The following APLF variants were observed in gnomAD, a reference collection of about 807,000 sequenced individuals.
APLF encodes the protein aprataxin and PNKP like factor, also known as aprataxin and PNK-like factor.
APLF carries 61 observed loss-of-function variants against 55.6 expected under a neutral mutation model. The ratio of observed to expected loss-of-function variants is 1.10; its 90% confidence interval spans 0.89 to 1.36. The LOEUF is 1.36. Among genes scored for constraint, APLF ranks in the 40% most tolerant of loss-of-function variants. The pLI is 0.00. For missense variants in APLF, 611 were observed against 602.5 expected, an observed-to-expected ratio of 1.01 and a Z score of -0.15; for synonymous variants, 207 against 214.8, an observed-to-expected ratio of 0.96 and a Z score of 0.32.
At chr2:68,563,304 A>G (rs573255062) in intron 8 of APLF, 14 of 983,810 alleles carry the variant, frequency 1.4e-5, no homozygotes, top group African/African-American at 5.2e-5. Flanking sequence ...AAAATTTCAC[A>G]TTACATTTTC....
At chr2:68,487,593 A>G (rs1343452561) in intron 1 of APLF, among the ~76,000 whole-genome samples, 1 of 152,176 alleles carries the variant, frequency 6.6e-6, no homozygotes, top group Non-Finnish European at 1.5e-5. Context: ...TTGATGTATT[A>G]ATAAATAATA....
At chr2:68,484,423 T>C (rs1676062170) in intron 1 of APLF, among the ~76,000 whole-genome samples, 1 of 152,092 alleles carries the variant, frequency 6.6e-6, no homozygotes, top group Non-Finnish European at 1.5e-5. Flanking sequence ...GCACGGTGGC[T>C]CACACCTGTA....
At chr2:68,552,103 A>G (rs1056455493) in intron 8 of APLF, among the ~76,000 whole-genome samples, 10 of 152,132 alleles carry the variant, frequency 6.6e-5, no homozygotes, top group African/African-American at 1.4e-4. Flanking sequence ...CTATTAGCCT[A>G]CTACCCATGC....
intron 3 of APLF, among the ~76,000 whole-genome samples, chr2:68,512,384 C>A (rs866016801): frequency 2.0e-5 from 3 of 151,760 alleles, no homozygotes; most frequent in Non-Finnish European, 4.4e-5. Flanking sequence ...TAGTTCATTC[C>A]TTGTTATTTC....
chr2:68,546,887 C>T (rs947398832), intron 8 of APLF, among the ~76,000 whole-genome samples: 2 of 151,664 alleles, frequency 1.3e-5, no homozygotes. Flanking sequence ...CATTATGTGG[C>T]GATTCAAGAC....
chr2:68,548,854 A>G (rs1670781175), intron 8 of APLF, among the ~76,000 whole-genome samples: 2 of 151,820 alleles, frequency 1.3e-5, no homozygotes. Context: ...CTATCGACTC[A>G]TGATCAATAT....
At chr2:68,490,046 A>T (rs1676310518) in intron 1 of APLF, 144 bp from the exon 2 acceptor site, 1 of 485,342 alleles carries the variant, frequency 2.1e-6, no homozygotes, top group Non-Finnish European at 3.6e-6. Flanking sequence ...CAATCATTTC[A>T]ATATACAGTT....
chr2:68,547,896 C>T (rs1056398154), intron 8 of APLF, among the ~76,000 whole-genome samples: 5 of 151,720 alleles, frequency 3.3e-5, no homozygotes, highest in Admixed American at 6.6e-5. Flanking sequence ...AACTTATTTA[C>T]AGTTAAATCT....
chr2:68,513,171 C>A lies in APLF; in HGVS notation c.433C>A (p.Gln145Lys). 1.2e-6 allele frequency: 2 copies of A among 1,611,322 alleles called. No homozygotes were observed. Among genetic ancestry groups the A allele is most frequent in the Non-Finnish European group, 8.5e-7 (1 of 1,178,458 alleles). Residue 145 changes from glutamine to lysine, a missense_variant, in exon 4 of 10, where the codon CAA becomes AAA. By Grantham distance (53) the Gln-to-Lys change is moderately conservative (BLOSUM62 1). Transcript: ENST00000303795. ...ACCTCATGAGACTACTGGTGCCTCA[C>A]AACTGGAAGGAAGCACAGAAATAGC... ...NLPHETTGAS[Q>K]LEGSTEIAKT...
rs575877683 is a variant in APLF at position 68,474,738 on chromosome 2, G to A, written c.96+6911G>A. 1.1e-4 allele frequency among the ~76,000 whole-genome samples: 16 copies of A among 152,196 alleles called. No individual in the cohort carries two copies. The East Asian group carries it at 2.7e-3, about 26-fold the overall frequency. ...GGCTGGAGTTCAATGGTGCGATCTTGGCTCACCACAACCTCTGCCTTCTGG... is the reference window on the plus strand; with the variant it reads ...GGCTGGAGTTCAATGGTGCGATCTTAGCTCACCACAACCTCTGCCTTCTGG... On this transcript the variant is annotated intron_variant, in intron 1 of 9. Coordinates refer to ENST00000303795, the MANE Select transcript of APLF (RefSeq NM_173545.3).
intron 1 of APLF, among the ~76,000 whole-genome samples, chr2:68,472,812 TAACTTTTACAAACA>T (rs1675661021): frequency 6.6e-6 from 1 of 152,196 alleles, no homozygotes; most frequent in Non-Finnish European, 1.5e-5. Flanking sequence ...TGATCCCGTT[TAACTTTTACAAACA>T]TTGTTTTTTA....
chr2:68,488,484 A>G (rs1389512500), intron 1 of APLF, among the ~76,000 whole-genome samples: 1 of 151,758 alleles, frequency 6.6e-6, no homozygotes, highest in Non-Finnish European at 1.5e-5. Context: ...CTATAGGCAC[A>G]TGCCCTCTGT....
intron 8 of APLF, among the ~76,000 whole-genome samples, chr2:68,553,900 G>GTTA (rs1376132487): frequency 6.6e-6 from 1 of 151,896 alleles, no homozygotes; most frequent in Non-Finnish European, 1.5e-5. Flanking sequence ...TTCATATTTT[G>GTTA]TTATTATTAT....
intron 5 of APLF, among the ~76,000 whole-genome samples, chr2:68,518,453 A>G (rs1389122391): frequency 2.7e-5 from 3 of 112,740 alleles, no homozygotes; most frequent in African/African-American, 1.1e-4. Flanking sequence ...ATAATATATT[A>G]TATATTATAT....
chr2:68,517,008 A>ATAATATATAATAATATAT (rs1372875424), intron 5 of APLF, among the ~76,000 whole-genome samples: 1 of 123,276 alleles, frequency 8.1e-6, no homozygotes. Flanking sequence ...ATGTTAATAT[A>ATAATATATAATAATATAT]TAATATATAA....
chr2:68,526,101 AG>A lies in APLF; in HGVS notation c.664del (p.Asp222IlefsTer5), dbSNP rs762861630. 3.1e-6 allele frequency: 5 copies of A among 1,613,540 alleles called. No individual in the cohort carries two copies. The highest frequency in any genetic ancestry group is 4.2e-6 in the Non-Finnish European group (5 of 1,179,894). On this transcript the variant is annotated frameshift_variant, in exon 6 of 10. Transcript: ENST00000303795. LOFTEE classifies it high-confidence loss of function. ...GAAGTGGAAAAGAAGAAATCTGCAA[AG>A]ATAAATCCCAGCTAAACACAACCCA... ...QGSGKEEICK[D>X]KSQLNTTQQG...
Position 68,538,351 on chromosome 2 carries a change from G to A in APLF, c.1160+124G>A, listed in dbSNP as rs183566705. Reference sequence around the variant, plus strand: ...TGGCCTAAAGGTTAGGGGCTTTATCGTGTTTCTACTATTTGTACTTCCTCA... The same window carrying A: ...TGGCCTAAAGGTTAGGGGCTTTATCATGTTTCTACTATTTGTACTTCCTCA... On this transcript the variant is annotated intron_variant, in intron 7 of 9. Transcript: ENST00000303795. 1.2e-4 allele frequency: 94 copies of A among 783,358 alleles called. No individual in the cohort carries two copies. In the East Asian group the frequency reaches 1.7e-3, roughly 14 times the overall value. The allele number at this position is 783,358 out of a possible 1,614,324, so 48.5% of individuals were successfully genotyped here.
In APLF at chr2:68,508,486, A is replaced by G. The variant is rs1021770795; in HGVS notation, c.342-4594A>G. ...TACAATGGATCAGAAGTCTAAATATAAGCACTAAAACTACAAAACTCTTAG... is the reference window on the plus strand; with the variant it reads ...TACAATGGATCAGAAGTCTAAATATGAGCACTAAAACTACAAAACTCTTAG... On this transcript the variant is annotated intron_variant, in intron 3 of 9. Transcript: ENST00000303795. 1.5e-4 allele frequency among the ~76,000 whole-genome samples: 23 copies of G among 152,060 alleles called. 1 individual carries two copies. Among genetic ancestry groups the G allele is most frequent in the South Asian group, 1.5e-3 (7 of 4,822 alleles).
intron 5 of APLF, among the ~76,000 whole-genome samples, chr2:68,514,241 AGCT>A (rs1190164889): frequency 6.6e-6 from 1 of 151,768 alleles, no homozygotes; most frequent in Admixed American, 6.6e-5. Flanking sequence ...TATTTATAAT[AGCT>A]GCGTTAAAGT....
Sources: allele counts gnomAD v4.1 joint callset (sites outside exome capture counted in the v4.1 genomes callset), GRCh38; gene constraint gnomAD v4.1.1; transcripts MANE v1.5; gene names NCBI Gene and HGNC (gene_info 2026-07-23, HGNC 2026-07-21).